PPP2CB: variants seen among roughly 807,000 people sequenced by gnomAD.
PPP2CB encodes serine/threonine-protein phosphatase 2A catalytic subunit beta isoform.
In PPP2CB, 18 loss-of-function variants were observed where a neutral mutation model predicts 39.1. The ratio of observed to expected loss-of-function variants is 0.46; its 90% CI spans 0.32 to 0.68. The LOEUF (loss-of-function observed/expected upper bound fraction) is 0.68, where lower values mean the gene tolerates loss of function less well. Among genes scored for constraint, PPP2CB ranks in the 30% least tolerant of loss-of-function variants. PPP2CB has a pLI of 0.04. For missense variants in PPP2CB, 226 were observed against 396.9 expected (o/e 0.57, Z 3.66); for synonymous variants, 129 against 133.8 (o/e 0.96, Z 0.25).
chr8:30,812,773 G>A lies in PPP2CB; in HGVS notation c.-352C>T, dbSNP rs1242554301. The A allele has an allele frequency of 6.4e-6, 3 of 467,702 alleles. No individual in the cohort carries two copies. The highest frequency in any genetic ancestry group is 4.7e-5 in the Admixed American group (2 of 42,898). 29.0% of individuals were successfully genotyped at this position (467,702 alleles called of 1,614,324 possible). Reference sequence around the variant, plus strand: ...GGCCGCCCGCTGCCGCTTCAGGCCCGCCTCACGCCTACCGGCCTCTCCCGA... The same window carrying A: ...GGCCGCCCGCTGCCGCTTCAGGCCCACCTCACGCCTACCGGCCTCTCCCGA... On this transcript the variant is annotated 5_prime_UTR_variant, in exon 1 of 7. Transcript: ENST00000221138.
In PPP2CB at chr8:30,806,354, G is replaced by A. The variant is rs144956069; in HGVS notation, c.102+5966C>T. 1.3e-3 allele frequency among the ~76,000 whole-genome samples: 192 copies of A among 151,916 alleles called. 1 individual carries two copies. Among genetic ancestry groups the A allele is most frequent in the Admixed American group, 0.011 (167 of 15,236 alleles). On this transcript the variant is annotated intron_variant, in intron 1 of 6. Coordinates refer to ENST00000221138, the MANE Select transcript of PPP2CB (RefSeq NM_001009552.2). Reference sequence around the variant, plus strand: ...CAGGCGCGAACCACCATGCCCGGCCGTTAATATGATTATTAATGAAATTTA... The same window carrying A: ...CAGGCGCGAACCACCATGCCCGGCCATTAATATGATTATTAATGAAATTTA...
intron 1 of PPP2CB, among the ~76,000 whole-genome samples, chr8:30,805,192 C>G (rs1264540104): frequency 6.6e-6 from 1 of 152,220 alleles, no homozygotes; most frequent in Non-Finnish European, 1.5e-5. Context: ...CAATTCTGAG[C>G]TCTCATCATC....
intron 1 of PPP2CB, among the ~76,000 whole-genome samples, chr8:30,808,255 T>A (rs1287709180): frequency 6.6e-6 from 1 of 152,046 alleles, no homozygotes; most frequent in African/African-American, 2.4e-5. Context: ...CACACCGCCA[T>A]GCCCGGCTAA....
At chr8:30,792,294 A>G (rs1423234218) in intron 5 of PPP2CB, among the ~76,000 whole-genome samples, 1 of 152,042 alleles carries the variant, frequency 6.6e-6, no homozygotes, top group Non-Finnish European at 1.5e-5. Context: ...AGCTCCAGCA[A>G]TCCGCTTGCC....
rs142987146 is a variant in PPP2CB, at chr8:30,791,945, T to C, written c.739-630A>G. Among the ~76,000 whole-genome samples the C allele has an allele frequency of 1.1e-3, 164 of 148,176 alleles. 2 individuals are homozygous for C. Among genetic ancestry groups the C allele is most frequent in the African/African-American group, 4.1e-3 (159 of 38,620 alleles). On this transcript the variant is annotated intron_variant, in intron 5 of 6. Coordinates refer to ENST00000221138, the MANE Select transcript of PPP2CB (RefSeq NM_001009552.2). ...ACGTATATATGTATGTATACATGTA[T>C]GTGTGCGCATATATGTATACGTGTG...
chr8:30,787,947 C>T (rs146608325), intron 6 of PPP2CB, among the ~76,000 whole-genome samples: 20 of 152,178 alleles, frequency 1.3e-4, no homozygotes, highest in East Asian at 1.2e-3. Flanking sequence ...GGAATTAGTA[C>T]GTTTTATCAA....
chr8:30,791,844 GTATA>G (rs1806435847), intron 5 of PPP2CB, among the ~76,000 whole-genome samples: 1 of 150,416 alleles, frequency 6.6e-6, no homozygotes, highest in Non-Finnish European at 1.5e-5. Flanking sequence ...ATATACATAT[GTATA>G]TATACGTGTA....
chr8:30,808,922 CT>C (rs34287210), intron 1 of PPP2CB, among the ~76,000 whole-genome samples: 22,378 of 116,004 alleles, frequency 0.19, 1,732 homozygotes, highest in African/African-American at 0.41. Flanking sequence ...TTTACATGGC[CT>C]TTTTTTTTTT....
chr8:30,805,972 T>A (rs1029587180), intron 1 of PPP2CB, among the ~76,000 whole-genome samples: 11 of 151,952 alleles, frequency 7.2e-5, no homozygotes, highest in African/African-American at 2.7e-4. Context: ...TAAGCTTGAG[T>A]GCTTGAGCTC....
At chr8:30,796,230 T>C (rs1187084718) in intron 3 of PPP2CB, among the ~76,000 whole-genome samples, 2 of 152,184 alleles carry the variant, frequency 1.3e-5, no homozygotes, top group Non-Finnish European at 1.5e-5. Context: ...TCCAAAATCA[T>C]GGCTGAGAAA....
intron 1 of PPP2CB, among the ~76,000 whole-genome samples, chr8:30,803,583 T>C (rs1229851803): frequency 6.6e-6 from 1 of 150,806 alleles, no homozygotes; most frequent in Non-Finnish European, 1.5e-5. Flanking sequence ...GCCCAAGACA[T>C]GTCAATCAGT....
chr8:30,791,487 T>G, intron 5 of PPP2CB, 172 bp from the exon 6 acceptor site: 1 of 553,488 alleles, frequency 1.8e-6, no homozygotes, highest in Non-Finnish European at 3.1e-6. Context: ...TAAAGAATAC[T>G]GTGCAATTCG....
chr8:30,812,589 G>A lies in PPP2CB; in HGVS notation c.-168C>T. 1 of 364,610 alleles carries A rather than the reference G, an allele frequency of 2.7e-6. No individual in the cohort carries two copies. The highest frequency in any genetic ancestry group is 4.7e-6 in the Non-Finnish European group (1 of 213,176). 22.6% of individuals were successfully genotyped at this position (364,610 alleles called of 1,614,324 possible). On this transcript the variant is annotated 5_prime_UTR_variant, in exon 1 of 7. Transcript: ENST00000221138. ...CGGGTAGGGCGGCCGCGGGCCCCGCGCCCCGCCCAAGCCCAGCAGGCGGCT... is the reference window on the plus strand; with the variant it reads ...CGGGTAGGGCGGCCGCGGGCCCCGCACCCCGCCCAAGCCCAGCAGGCGGCT...
At chr8:30,794,656 T>TCA (rs1048302857) in intron 3 of PPP2CB, among the ~76,000 whole-genome samples, 1 of 152,120 alleles carries the variant, frequency 6.6e-6, no homozygotes, top group African/African-American at 2.4e-5. Context: ...CAGTAGCTAT[T>TCA]CACAGCCTTG....
At chr8:30,793,298 C>T (rs1806467836) in intron 5 of PPP2CB, 1 of 152,158 alleles carries the variant, frequency 6.6e-6, no homozygotes, top group Admixed American at 6.5e-5. Context: ...CAATGAAAAT[C>T]GGAGGATTTC....
At chr8:30,804,941 C>T (rs552305277) in intron 1 of PPP2CB, among the ~76,000 whole-genome samples, 62 of 152,268 alleles carry the variant, frequency 4.1e-4, no homozygotes, top group African/African-American at 1.5e-3. Context: ...TCCCCATCTT[C>T]TGCTTTTTCT....
In PPP2CB at chr8:30,808,080, G is replaced by A. The variant is rs548924468; in HGVS notation, c.102+4240C>T. ...ATAGGCCTTTACTAGTACTACTCTG[G>A]TCTTGATTTCAGTGGACTCCTTCAG... On this transcript the variant is annotated intron_variant, in intron 1 of 6. Coordinates refer to ENST00000221138, the MANE Select transcript of PPP2CB (RefSeq NM_001009552.2). Among the ~76,000 whole-genome samples, 10 of 152,106 alleles carry A rather than the reference G, an allele frequency of 6.6e-5. No individual in the cohort carries two copies. The South Asian group carries it at 1.0e-3, about 16-fold the overall frequency.
At chr8:30,795,467 C>T (rs1806507816) in intron 3 of PPP2CB, among the ~76,000 whole-genome samples, 1 of 152,122 alleles carries the variant, frequency 6.6e-6, no homozygotes, top group Non-Finnish European at 1.5e-5. Flanking sequence ...GTTTCTTTAT[C>T]CACTTAATAT....
intron 6 of PPP2CB, among the ~76,000 whole-genome samples, chr8:30,786,641 TTAATAA>T (rs66509142): frequency 0.98 from 137,006 of 140,080 alleles, 67,091 homozygotes; most frequent in Non-Finnish European, 1. Flanking sequence ...TTAATATTAT[TTAATAA>T]TAATAATAAT....
Sources: gnomAD v4.1 joint callset for allele counts (sites outside exome capture counted in the v4.1 genomes callset) on GRCh38, gnomAD v4.1.1 for gene constraint, MANE v1.5 for transcripts, NCBI Gene and HGNC (gene_info 2026-07-23, HGNC 2026-07-21) for gene names.